Variants in ZNF138 observed in about 807,000 individuals in gnomAD.
ZNF138 encodes the protein zinc finger protein 138.
A neutral mutation model predicts 33.0 loss-of-function variants in ZNF138; 33 were observed. That is an observed-to-expected ratio of 1.00 (90% confidence interval 0.76 to 1.34). The LOEUF is 1.34. Ranked by LOEUF, ZNF138 falls within the 40% of genes most tolerant of loss-of-function variation. The probability of loss-of-function intolerance (pLI) is 0.00; values close to 1 mark genes in which losing one functional copy is unlikely to be tolerated. For synonymous variants in ZNF138, 139 were observed against 120.4 expected, an observed-to-expected ratio of 1.15 and a Z score of -1.01; for missense variants, 360 against 370.8, an observed-to-expected ratio of 0.97 and a Z score of 0.24.
At chr7:64,808,997 C>CA (rs1787844955) in intron 1 of ZNF138, among the ~76,000 whole-genome samples, 1 of 133,356 alleles carries the variant, frequency 7.5e-6, no homozygotes. Flanking sequence ...TCTACACAGA[C>CA]ACGGCAACCA....
At chr7:64,825,056 G>T (rs4718125) in intron 3 of ZNF138, among the ~76,000 whole-genome samples, 44,395 of 150,118 alleles carry the variant, frequency 0.3, 7,333 homozygotes, top group Middle Eastern at 0.37. Flanking sequence ...TACCACTTTG[G>T]CCAGGCTGGT....
At chr7:64,840,062 C>A in the ZNF138 span, among the ~76,000 whole-genome samples, 2 of 151,818 alleles carry the variant, frequency 1.3e-5, no homozygotes, top group Non-Finnish European at 2.9e-5. Context: ...GCGCGTTAGT[C>A]GGGGTGGTGG....
intron 1 of ZNF138, among the ~76,000 whole-genome samples, chr7:64,813,307 C>T (rs1250659468): frequency 6.6e-6 from 1 of 151,988 alleles, no homozygotes; most frequent in African/African-American, 2.4e-5. Flanking sequence ...GCACTCGTTA[C>T]CCAGAAAGTT....
the ZNF138 span, among the ~76,000 whole-genome samples, chr7:64,842,666 A>G: frequency 6.6e-6 from 1 of 152,202 alleles, no homozygotes; most frequent in Non-Finnish European, 1.5e-5. Flanking sequence ...GTGGCCAGTC[A>G]TAAGTCTGTA....
intron 3 of ZNF138, among the ~76,000 whole-genome samples, chr7:64,818,618 C>T (rs188198233): frequency 5.9e-5 from 9 of 151,964 alleles, no homozygotes; most frequent in East Asian, 3.9e-4. Flanking sequence ...CGCATGGTGT[C>T]GCATGCCTGT....
chr7:64,843,975 C>T, the ZNF138 span, among the ~76,000 whole-genome samples: 12 of 152,132 alleles, frequency 7.9e-5, no homozygotes, highest in African/African-American at 2.9e-4. Flanking sequence ...TGGTGTGCGC[C>T]ACCATGCCCA....
At chr7:64,838,594 C>A (rs181580723), downstream of ZNF138, among the ~76,000 whole-genome samples, 2 of 152,210 alleles carry the variant, frequency 1.3e-5, no homozygotes, top group South Asian at 4.1e-4. Context: ...CGCCTCCTCT[C>A]GGGAATTAAA....
At chr7:64,820,250 G>A (rs1562911950) in intron 3 of ZNF138, among the ~76,000 whole-genome samples, 1 of 138,768 alleles carries the variant, frequency 7.2e-6, no homozygotes, top group African/African-American at 2.8e-5. Context: ...TTATGGGGGC[G>A]GAGTGTGACT....
At chr7:64,842,469 T>A in the ZNF138 span, among the ~76,000 whole-genome samples, 1 of 152,234 alleles carries the variant, frequency 6.6e-6, no homozygotes, top group Non-Finnish European at 1.5e-5. Context: ...ATATTACAAC[T>A]CAGAGGAATT....
chr7:64,831,328 C>T (rs544787483), intron 3 of ZNF138, 123 bp from the exon 4 acceptor site: 2 of 973,358 alleles, frequency 2.1e-6, no homozygotes, highest in East Asian at 2.5e-5. Flanking sequence ...GGAATTAGAA[C>T]CTGTGGTATT....
chr7:64,821,090 G>A (rs1469325624), intron 3 of ZNF138, among the ~76,000 whole-genome samples: 1 of 146,556 alleles, frequency 6.8e-6, no homozygotes, highest in African/African-American at 2.6e-5. Flanking sequence ...TTGTTTGTTT[G>A]TTTGTTTGTT....
At chr7:64,840,126 C>T in the ZNF138 span, among the ~76,000 whole-genome samples, 372 of 152,038 alleles carry the variant, frequency 2.4e-3, 3 homozygotes, top group African/African-American at 8.5e-3. Context: ...AGGTGGCGAT[C>T]GCCATCTTGG....
At chr7:64,807,644 G>A (rs979048906) in intron 1 of ZNF138, among the ~76,000 whole-genome samples, 2 of 152,118 alleles carry the variant, frequency 1.3e-5, no homozygotes, top group Admixed American at 6.5e-5. Context: ...TTACAAAGCA[G>A]GGCCAGACTT....
the ZNF138 span, among the ~76,000 whole-genome samples, chr7:64,848,884 T>C: frequency 8.3e-3 from 1,265 of 152,094 alleles, 12 homozygotes; most frequent in African/African-American, 0.029. Context: ...TTTTGTATTT[T>C]TAATAGAGAC....
At chr7:64,802,983 C>G (rs1787273943) in intron 1 of ZNF138, among the ~76,000 whole-genome samples, 1 of 152,042 alleles carries the variant, frequency 6.6e-6, no homozygotes, top group African/African-American at 2.4e-5. Flanking sequence ...CCCTACCCCC[C>G]TCTTACATAA....
At position 64,832,425 on chromosome 7, in the gene ZNF138, G is replaced by C; in HGVS notation, c.*223G>C. The C allele has an allele frequency of 1.3e-6, 2 of 1,483,596 alleles. No homozygotes were observed. Among genetic ancestry groups the C allele is most frequent in the Admixed American group, 4.7e-5 (2 of 42,610 alleles). 91.9% of individuals were successfully genotyped at this position (1,483,596 alleles called of 1,614,324 possible). On this transcript the variant is annotated 3_prime_UTR_variant, in exon 4 of 4. Transcript: ENST00000307355. ...TGGAGAAAAACCCTACAAATGTAAA[G>C]AATGTGGAAAAGCTTTTCACCGATA... is the stretch of plus-strand genomic sequence containing the variant.
At chr7:64,834,993 C>T (rs1011046684), downstream of ZNF138, among the ~76,000 whole-genome samples, 9 of 152,204 alleles carry the variant, frequency 5.9e-5, no homozygotes, top group Middle Eastern at 3.4e-3. Flanking sequence ...TTCACTGGTC[C>T]ACAGGGGGAG....
chr7:64,796,336 ATGGGG>A, intron 1 of ZNF138, among the ~76,000 whole-genome samples: 1 of 152,266 alleles, frequency 6.6e-6, no homozygotes, highest in African/African-American at 2.4e-5. Flanking sequence ...AGTGAGCAGG[ATGGGG>A]TGGGAGAATC....
At chr7:64,808,312 G>T (rs1420215906) in intron 1 of ZNF138, among the ~76,000 whole-genome samples, 1 of 152,160 alleles carries the variant, frequency 6.6e-6, no homozygotes, top group Non-Finnish European at 1.5e-5. Context: ...CAAGGAGGTG[G>T]TCTGGAGACC....
Sources: allele counts gnomAD v4.1 joint callset (sites outside exome capture counted in the v4.1 genomes callset), GRCh38; gene constraint gnomAD v4.1.1; transcripts MANE v1.5; gene names NCBI Gene and HGNC (gene_info 2026-07-23, HGNC 2026-07-21).